TRPM7: variants seen among roughly 807,000 people sequenced by gnomAD.
The protein encoded by TRPM7 is transient receptor potential cation channel subfamily M member 7.
In TRPM7, 134 loss-of-function variants were observed where a neutral mutation model predicts 229.7. The observed-to-expected ratio is 0.58, with a 90% CI of 0.51 to 0.67. TRPM7 has a LOEUF of 0.67. Among genes scored for constraint, TRPM7 ranks in the 30% least tolerant of loss-of-function variants. The pLI is 0.00. For missense variants in TRPM7, 1,901 were observed against 2,210.0 expected (o/e 0.86, Z 2.80); for synonymous variants, 699 against 715.2 (o/e 0.98, Z 0.36).
At chr15:50,608,080 A>AAAGAG (rs2059969601) in intron 19 of TRPM7, among the ~76,000 whole-genome samples, 1 of 151,036 alleles carries the variant, frequency 6.6e-6, no homozygotes, top group Admixed American at 6.6e-5. Flanking sequence ...AGAAAGAAAG[A>AAAGAG]AAGAAAAGAA....
chr15:50,681,264 T>TACACATACAC (rs1555436717), intron 1 of TRPM7, among the ~76,000 whole-genome samples: 2 of 146,906 alleles, frequency 1.4e-5, no homozygotes, highest in Admixed American at 6.8e-5. Flanking sequence ...AATAAATAAA[T>TACACATACAC]ACACACACAC....
chr15:50,686,366 G>T (rs553229792), intron 1 of TRPM7, among the ~76,000 whole-genome samples, 165 bp downstream of exon 1: 1 of 152,182 alleles, frequency 6.6e-6, no homozygotes, highest in South Asian at 2.1e-4. Context: ...ACCCCAGAAC[G>T]AACTGCACAC....
intron 20 of TRPM7, among the ~76,000 whole-genome samples, 154 bp downstream of exon 20, chr15:50,607,046 T>C (rs2059934884): frequency 6.6e-6 from 1 of 152,170 alleles, no homozygotes; most frequent in African/African-American, 2.4e-5. Context: ...TCTTTTGCCA[T>C]TATTTTGGGA....
At chr15:50,661,826 A>AT (rs2061731768) in intron 2 of TRPM7, among the ~76,000 whole-genome samples, 2 of 152,186 alleles carry the variant, frequency 1.3e-5, no homozygotes, top group South Asian at 4.1e-4. Context: ...ATTAATTTTC[A>AT]TTTTTTCTAA....
At chr15:50,664,794 T>C (rs1048247870) in intron 1 of TRPM7, among the ~76,000 whole-genome samples, 1 of 152,014 alleles carries the variant, frequency 6.6e-6, no homozygotes, top group Non-Finnish European at 1.5e-5. Flanking sequence ...ACTCCATCTC[T>C]ACAAAAAAAT....
At position 50,634,378 on chromosome 15, in the gene TRPM7, T is replaced by G. The variant is rs760894631; in HGVS notation, c.1007+4A>C. On this transcript the variant is annotated splice_donor_region_variant and intron_variant, in intron 8 of 38. Coordinates refer to ENST00000646667, the MANE Select transcript of TRPM7 (RefSeq NM_017672.6). Reference sequence around the variant, plus strand: ...AATTAATTAAAATGTTGTCATACACTTACCCTCCTTCTTCTGTTTGTTTAT... The same window carrying G: ...AATTAATTAAAATGTTGTCATACACGTACCCTCCTTCTTCTGTTTGTTTAT... 1 of 1,542,818 alleles carries G rather than the reference T, an allele frequency of 6.5e-7. No homozygotes were observed. The highest frequency in any genetic ancestry group is 8.7e-7 in the Non-Finnish European group (1 of 1,150,756).
At position 50,581,646 on chromosome 15, in the gene TRPM7, T is replaced by C. The variant is rs2054419800; in HGVS notation, c.4558-738A>G. 2.0e-5 allele frequency among the ~76,000 whole-genome samples: 3 copies of C among 152,084 alleles called. No homozygotes were observed. In the South Asian group the frequency reaches 6.2e-4, roughly 31 times the overall value. ...GCAGCCTTTGTTGTGTATATGTGCATATGGTTTTTATTCTGCAGTTGTATA... is the reference window on the plus strand; with the variant it reads ...GCAGCCTTTGTTGTGTATATGTGCACATGGTTTTTATTCTGCAGTTGTATA... On this transcript the variant is annotated intron_variant, in intron 29 of 38. Coordinates refer to ENST00000646667, the MANE Select transcript of TRPM7 (RefSeq NM_017672.6).
intron 10 of TRPM7, among the ~76,000 whole-genome samples, chr15:50,628,896 A>AT (rs1215119051): frequency 1.3e-5 from 2 of 152,154 alleles, no homozygotes; most frequent in Non-Finnish European, 2.9e-5. Context: ...TATACTTTCC[A>AT]TTTTTTATTC....
chr15:50,615,511 T>A (rs1187329716), intron 13 of TRPM7, among the ~76,000 whole-genome samples: 1 of 152,214 alleles, frequency 6.6e-6, no homozygotes, highest in Non-Finnish European at 1.5e-5. Flanking sequence ...CTGGTTAATT[T>A]TATTAAATAA....
chr15:50,668,928 T>C (rs1428827310), intron 1 of TRPM7, among the ~76,000 whole-genome samples: 1 of 152,206 alleles, frequency 6.6e-6, no homozygotes, highest in Non-Finnish European at 1.5e-5. Context: ...CTTAAAGGAA[T>C]CAAACTTGAC....
intron 19 of TRPM7, among the ~76,000 whole-genome samples, chr15:50,608,066 A>AAG (rs1555412557): frequency 1.3e-5 from 2 of 150,888 alleles, no homozygotes; most frequent in African/African-American, 4.9e-5. Context: ...AAAAAAAAAA[A>AAG]AAAAGAAAGA....
In TRPM7 at chr15:50,594,540, A is replaced by G; in HGVS notation, c.3364T>C (p.Tyr1122His). 1 of 1,613,106 alleles carries G rather than the reference A, an allele frequency of 6.2e-7. No homozygotes were observed. Residue 1122 changes from tyrosine (Y) to histidine (H), a missense_variant, in exon 24 of 39, where the codon TAT becomes CAT. Physicochemically the swap from Tyr to His is moderately conservative, Grantham distance 83. Transcript: ENST00000646667. ...KYQRYHFIMA[Y>H]HEKPVLPPPL... ...GGAGGCAGAACTGGTTTCTCATGAT[A>G]AGCCATAATAAAATGATAACGCTGG...
chr15:50,611,383 T>G (rs966919905), intron 16 of TRPM7, 62 bp from the exon 17 acceptor site: 4 of 1,232,974 alleles, frequency 3.2e-6, no homozygotes, highest in Non-Finnish European at 2.3e-6. Context: ...AAACCACTAT[T>G]CTTATATACA....
At chr15:50,572,781 G>C (rs1013473589) in intron 36 of TRPM7, among the ~76,000 whole-genome samples, 1 of 152,192 alleles carries the variant, frequency 6.6e-6, no homozygotes, top group African/African-American at 2.4e-5. Context: ...TCATTCTTGA[G>C]CTGAAACCTG....
At chr15:50,681,294 A>ACACACACACACACACACACAC (rs1567131460) in intron 1 of TRPM7, among the ~76,000 whole-genome samples, 1 of 101,912 alleles carries the variant, frequency 9.8e-6, no homozygotes, top group African/African-American at 5.3e-5. Context: ...CACACACACA[A>ACACACACACACACACACACAC]AGCATTCAGA....
rs1285882974 is a variant in TRPM7 at position 50,589,720 on chromosome 15, C to T, written c.4325-64G>A. On this transcript the variant is annotated intron_variant, in intron 26 of 38. Coordinates refer to ENST00000646667, the MANE Select transcript of TRPM7 (RefSeq NM_017672.6). ...ATTTTTCTTCACCGAAATAATGGCACTGCTTAAAGTTTATAAAAACAATAG... is the reference window on the plus strand; with the variant it reads ...ATTTTTCTTCACCGAAATAATGGCATTGCTTAAAGTTTATAAAAACAATAG... 3.7e-6 allele frequency: 4 copies of T among 1,078,022 alleles called. No individual in the cohort carries two copies. The East Asian group carries it at 9.6e-5, about 26-fold the overall frequency. 66.8% of individuals were successfully genotyped at this position (1,078,022 alleles called of 1,614,324 possible).
intron 36 of TRPM7, among the ~76,000 whole-genome samples, chr15:50,571,948 A>C (rs3105590): frequency 6.6e-6 from 1 of 152,104 alleles, no homozygotes; most frequent in South Asian, 2.1e-4. Context: ...AATGTTATCA[A>C]ATGGCACTGC....
rs79521919 is a variant in TRPM7, at chr15:50,616,057, T to G, written c.1495-1794A>C. 2.6e-5 allele frequency among the ~76,000 whole-genome samples: 4 copies of G among 152,140 alleles called. No homozygotes were observed. In the South Asian group the frequency reaches 8.3e-4, roughly 31 times the overall value. ...AGCAATCTCAAAATATGCAGAATGA[T>G]TGAGAATGTCACCTATGATATTCTT... On this transcript the variant is annotated intron_variant, in intron 13 of 38. Transcript: ENST00000646667.
intron 28 of TRPM7, among the ~76,000 whole-genome samples, chr15:50,583,670 G>A (rs1354336130): frequency 1.3e-5 from 2 of 150,672 alleles, no homozygotes; most frequent in African/African-American, 2.5e-5. Flanking sequence ...TCTGCCTCCT[G>A]AGTTCAAGCG....
Sources: gnomAD v4.1 joint callset for allele counts (sites outside exome capture counted in the v4.1 genomes callset) on GRCh38, gnomAD v4.1.1 for gene constraint, MANE v1.5 for transcripts, NCBI Gene and HGNC (gene_info 2026-07-23, HGNC 2026-07-21) for gene names.